The following WDR76 variants were observed in gnomAD, a reference collection of about 807,000 sequenced individuals.
The protein encoded by WDR76 is WD repeat-containing protein 76.
Under a neutral mutation model 70.2 loss-of-function variants are expected in WDR76, and 52 were observed. The ratio of observed to expected loss-of-function variants is 0.74; its 90% CI spans 0.59 to 0.93. The LOEUF is 0.93. Ranked by LOEUF, WDR76 falls within the 40% of genes least tolerant of loss-of-function variation. The pLI is 0.00. For synonymous variants in WDR76, 292 were observed against 271.1 expected (o/e 1.08, Z -0.76); for missense variants, 756 against 760.2 (o/e 0.99, Z 0.07).
At chr15:43,858,624 C>A (rs758002421) in intron 10 of WDR76, 47 bp from the exon 11 acceptor site, 1 of 1,598,974 alleles carries the variant, frequency 6.3e-7, no homozygotes, top group East Asian at 2.2e-5. Context: ...TGTAGAGGTT[C>A]ATTACATGTA....
In WDR76 at chr15:43,827,072, A is replaced by G. The variant is rs765668500; in HGVS notation, c.40A>G (p.Arg14Gly). Residue 14 changes from arginine to glycine, a missense_variant, in exon 1 of 13, where the codon AGA (arginine) becomes GGA (glycine). Coordinates refer to ENST00000263795, the MANE Select transcript of WDR76 (RefSeq NM_024908.4). ...CGCGGCGGCTGAGAAGGCGGACTCC[A>G]GACAGCGACCCCAGATGAAGGTGAG... ...SGAAAEKADS[R>G]QRPQMKVNEY... 4 of 1,613,978 alleles carry G rather than the reference A, an allele frequency of 2.5e-6. No homozygotes were observed. Among genetic ancestry groups the G allele is most frequent in the South Asian group, 2.2e-5 (2 of 91,086 alleles).
chr15:43,866,226 G>T lies in WDR76; in HGVS notation c.1715G>T (p.Arg572Leu), dbSNP rs750928884. ...CVIVGSMAHP[R>L]RVEIFHETGK... ...ATAGTTGGCAGCATGGCCCATCCAC[G>T]ACGGGTAGAAATCTTCCATGAGACA... Residue 572 changes from arginine to leucine, a missense_variant, in exon 13 of 13, where the codon CGA (arginine) becomes CTA (leucine). Arg to Leu is a moderately radical substitution (Grantham distance 102). Transcript: ENST00000263795. The T allele has an allele frequency of 6.2e-7, 1 of 1,614,068 alleles. No individual in the cohort carries two copies. Among genetic ancestry groups the T allele is most frequent in the African/African-American group, 1.3e-5 (1 of 74,930 alleles).
At chr15:43,853,820 C>T (rs1362248006) in intron 9 of WDR76, among the ~76,000 whole-genome samples, 1 of 151,118 alleles carries the variant, frequency 6.6e-6, no homozygotes, top group East Asian at 2.0e-4. Flanking sequence ...GCAGGAGAAT[C>T]GCTTGAACCC....
chr15:43,833,495 T>C (rs1369484390), intron 2 of WDR76, among the ~76,000 whole-genome samples: 1 of 151,586 alleles, frequency 6.6e-6, no homozygotes, highest in Admixed American at 6.6e-5. Context: ...ATTTTTTGTA[T>C]TTTTTAGTAG....
At chr15:43,851,867 C>G (rs1026856561) in intron 9 of WDR76, among the ~76,000 whole-genome samples, 14 of 151,874 alleles carry the variant, frequency 9.2e-5, no homozygotes, top group Admixed American at 6.6e-4. Context: ...CCCAGGAGTT[C>G]AAGATCAGCC....
intron 8 of WDR76, 46 bp downstream of exon 8, chr15:43,844,100 A>T (rs777671175): frequency 1.3e-6 from 2 of 1,577,358 alleles, no homozygotes; most frequent in East Asian, 2.2e-5. Flanking sequence ...GACTAAAGCA[A>T]ATAGGCTGGA....
At chr15:43,850,550 C>T (rs1033979465) in intron 8 of WDR76, among the ~76,000 whole-genome samples, 5 of 152,106 alleles carry the variant, frequency 3.3e-5, no homozygotes, top group Non-Finnish European at 7.4e-5. Context: ...CCGCCTTGGC[C>T]TCCCAAAGTG....
At chr15:43,852,379 T>G (rs1218548900) in intron 9 of WDR76, among the ~76,000 whole-genome samples, 3 of 151,798 alleles carry the variant, frequency 2.0e-5, no homozygotes, top group Non-Finnish European at 4.4e-5. Flanking sequence ...GTCGTCGTTG[T>G]TGTTGTTGTA....
chr15:43,857,185 A>T, intron 10 of WDR76, 22 bp downstream of exon 10: 1 of 1,589,382 alleles, frequency 6.3e-7, no homozygotes, highest in Non-Finnish European at 8.6e-7. Flanking sequence ...ATAAGACTTT[A>T]TGACTTAGAC....
At chr15:43,854,425 T>C (rs2087903972) in intron 9 of WDR76, among the ~76,000 whole-genome samples, 1 of 150,656 alleles carries the variant, frequency 6.6e-6, no homozygotes, top group Non-Finnish European at 1.5e-5. Context: ...AAAAATTAGC[T>C]GGGCGTGGTA....
rs527687879 is a variant in WDR76 at position 43,853,282 on chromosome 15, C to T, written c.1191+2037C>T. On this transcript the variant is annotated intron_variant, in intron 9 of 12. Transcript: ENST00000263795. ...CTCGGCTCACCGCAGCCTCTGCCTC[C>T]CAGGCTCACGTGATCCTCCCACCTA... Among the ~76,000 whole-genome samples the T allele has an allele frequency of 7.2e-5, 11 of 152,150 alleles. No individual in the cohort carries two copies. The South Asian group carries it at 2.3e-3, about 32-fold the overall frequency.
Position 43,851,114 on chromosome 15 carries a change from T to C in WDR76, c.1060T>C (p.Tyr354His). The C allele has an allele frequency of 2.5e-6, 4 of 1,614,168 alleles. No individual in the cohort carries two copies. The highest frequency in any genetic ancestry group is 3.4e-6 in the Non-Finnish European group (4 of 1,180,018). ...CCAGCAACCTAAAGAAGATGGAGTT[T>C]ATGTTTTTCATCCCCATAGTCAGCC... Reference protein sequence around the residue: ...LTQQPKEDGVYVFHPHSQPVS... With the variant: ...LTQQPKEDGVHVFHPHSQPVS... Residue 354 changes from tyrosine to histidine, a missense_variant, in exon 9 of 13, where the codon TAT becomes CAT. Transcript: ENST00000263795.
rs964204042 is a variant in WDR76 at position 43,866,558 on chromosome 15, T to G, written c.*166T>G. On this transcript the variant is annotated 3_prime_UTR_variant, in exon 13 of 13. Transcript: ENST00000263795. ...GAGTGTACTTTTAGTAAGGGAGAAGTCTTGGAGGGTTGCTTCTGCAGGACG... is the reference window on the plus strand; with the variant it reads ...GAGTGTACTTTTAGTAAGGGAGAAGGCTTGGAGGGTTGCTTCTGCAGGACG... The G allele has an allele frequency of 7.5e-6, 6 of 798,594 alleles. No individual in the cohort carries two copies. The Admixed American group carries it at 8.9e-5, about 12-fold the overall frequency. The allele number at this position is 798,594 out of a possible 1,614,324, so 49.5% of individuals were successfully genotyped here. A position where few individuals can be genotyped will look rare whatever the true frequency, so the allele number is the denominator to read the frequency against.
intron 12 of WDR76, among the ~76,000 whole-genome samples, chr15:43,862,294 T>C (rs932456714): frequency 2.1e-5 from 3 of 145,844 alleles, no homozygotes; most frequent in Non-Finnish European, 4.5e-5. Context: ...TTTTTTTTTT[T>C]TTTCAGGTCC....
At chr15:43,861,567 T>G (rs1016805234) in intron 12 of WDR76, among the ~76,000 whole-genome samples, 181 bp downstream of exon 12, 4 of 152,222 alleles carry the variant, frequency 2.6e-5, no homozygotes, top group African/African-American at 9.6e-5. Context: ...AGGTTCCCTG[T>G]GTCTGTAGAG....
In WDR76 at chr15:43,828,194, A is replaced by G. The variant is rs200024338; in HGVS notation, c.290A>G (p.Lys97Arg). ...KKTCRRIIPP[K>R]MKNTSSKAES... is the part of the protein sequence containing the mutation. ...ACTTGCAGAAGGATTATACCTCCAA[A>G]GATGAAAAACACATCTTCCAAGGCA... Residue 97 changes from lysine (K) to arginine (R), a missense_variant, in exon 2 of 13, where the codon AAG becomes AGG. Physicochemically the swap from Lys to Arg is conservative, Grantham distance 26. Transcript: ENST00000263795. 5.0e-6 allele frequency: 8 copies of G among 1,614,220 alleles called. No individual in the cohort carries two copies. In the Admixed American group the frequency reaches 1.2e-4, roughly 24 times the overall value.
At chr15:43,844,491 G>T (rs1317453523) in intron 8 of WDR76, among the ~76,000 whole-genome samples, 1 of 151,860 alleles carries the variant, frequency 6.6e-6, no homozygotes, top group Non-Finnish European at 1.5e-5. Flanking sequence ...GTGGTGGTAG[G>T]TGCCTGTAAT....
rs749251333 is a variant in WDR76, at chr15:43,842,677, T to C, written c.878+6T>C. The C allele has an allele frequency of 2.5e-6, 4 of 1,605,982 alleles. No homozygotes were observed. The highest frequency in any genetic ancestry group is 1.3e-5 in the African/African-American group (1 of 74,778). ...GGATTATCTAGCATTAAAAGGTAAG[T>C]TGAAATTCCTTGTGTTTCTTTTATA... On this transcript the variant is annotated splice_donor_region_variant and intron_variant, in intron 7 of 12. Transcript: ENST00000263795.
At position 43,858,698 on chromosome 15, in the gene WDR76, A is replaced by G. The variant is rs376070514; in HGVS notation, c.1437A>G (p.Arg479=). The change falls in exon 11 of 13, where the codon CGA becomes CGG. Residue 479 remains arginine (R), a synonymous_variant. Transcript: ENST00000263795. The part of the protein sequence containing the change: ...LRDTHIYDAR[R]LNSRRSQPLI... Reference sequence around the variant, plus strand: ...ATACTCATATTTATGATGCAAGGCGATTGAATTCCAGGAGAAGTCAGCCTT... The same window carrying G: ...ATACTCATATTTATGATGCAAGGCGGTTGAATTCCAGGAGAAGTCAGCCTT... 1.9e-6 allele frequency: 3 copies of G among 1,614,016 alleles called. No individual in the cohort carries two copies. Among genetic ancestry groups the G allele is most frequent in the African/African-American group, 1.3e-5 (1 of 74,942 alleles).
Sources: allele counts gnomAD v4.1 joint callset (sites outside exome capture counted in the v4.1 genomes callset), GRCh38; gene constraint gnomAD v4.1.1; transcripts MANE v1.5; gene names NCBI Gene and HGNC (gene_info 2026-07-23, HGNC 2026-07-21).